IGSF5: variants seen among roughly 807,000 people sequenced by gnomAD.
IGSF5 encodes immunoglobulin superfamily 5 like.
IGSF5 carries 41 observed loss-of-function variants against 39.4 expected under a neutral mutation model. The ratio of observed to expected loss-of-function variants is 1.04; its 90% CI spans 0.81 to 1.35. IGSF5 has a LOEUF of 1.35. IGSF5 is among the 40% of genes most tolerant of loss of function. The pLI is 0.00. For synonymous variants in IGSF5, 183 were observed against 175.3 expected (o/e 1.04, Z -0.34); for missense variants, 487 against 494.6 (o/e 0.98, Z 0.15).
At chr21:39,730,550 A>T in the IGSF5 span, 1 of 152,124 alleles carries the variant, frequency 6.6e-6, no homozygotes, top group African/African-American at 2.4e-5. Flanking sequence ...AGATTCCACG[A>T]CTAAGGCCAA....
At chr21:39,740,264 G>C (rs2079942747), upstream of IGSF5, among the ~76,000 whole-genome samples, 1 of 152,160 alleles carries the variant, frequency 6.6e-6, no homozygotes, top group African/African-American at 2.4e-5. Context: ...TTCAATATCT[G>C]CTTGGCGGTT....
At chr21:39,725,926 G>A in the IGSF5 span, 1 of 152,178 alleles carries the variant, frequency 6.6e-6, no homozygotes, top group East Asian at 1.9e-4. Context: ...TGAAACTGGG[G>A]CAAGATGTTA....
At chr21:39,784,982 T>A (rs926110794) in intron 5 of IGSF5, among the ~76,000 whole-genome samples, 1 of 151,710 alleles carries the variant, frequency 6.6e-6, no homozygotes, top group Admixed American at 6.6e-5. Context: ...TTTTTTTTTT[T>A]TCCTTTAACT....
chr21:39,799,589 C>A (rs888985355), intron 8 of IGSF5, among the ~76,000 whole-genome samples: 1 of 151,850 alleles, frequency 6.6e-6, no homozygotes, highest in African/African-American at 2.4e-5. Context: ...TTCTAGAAGT[C>A]TTCCTACAAC....
intron 2 of IGSF5, among the ~76,000 whole-genome samples, chr21:39,754,566 ATCT>A (rs1437567170): frequency 6.6e-6 from 1 of 152,194 alleles, no homozygotes; most frequent in Non-Finnish European, 1.5e-5. Context: ...GTCCTGGCTG[ATCT>A]TCTGAGTGTG....
the IGSF5 span, chr21:39,726,024 G>A: frequency 6.6e-6 from 1 of 152,216 alleles, no homozygotes; most frequent in Non-Finnish European, 1.5e-5. Flanking sequence ...AGTGGTTGAT[G>A]TGTGAAGTCT....
intron 2 of IGSF5, among the ~76,000 whole-genome samples, chr21:39,756,769 G>T (rs2080032474): frequency 6.6e-6 from 1 of 152,070 alleles, no homozygotes; most frequent in African/African-American, 2.4e-5. Context: ...TCAGTACTGG[G>T]GAGTGTCTTG....
the IGSF5 span, among the ~76,000 whole-genome samples, chr21:39,732,130 T>C: frequency 6.6e-6 from 1 of 152,152 alleles, no homozygotes; most frequent in Non-Finnish European, 1.5e-5. Context: ...TGAGCCACCC[T>C]GAAAGTGAAT....
intron 8 of IGSF5, among the ~76,000 whole-genome samples, chr21:39,794,990 A>G (rs2086986982): frequency 6.6e-6 from 1 of 152,050 alleles, no homozygotes; most frequent in Non-Finnish European, 1.5e-5. Flanking sequence ...TCAGTCATGT[A>G]TTGGGAAAAC....
the IGSF5 span, among the ~76,000 whole-genome samples, chr21:39,713,547 G>A: frequency 6.6e-6 from 1 of 152,108 alleles, no homozygotes; most frequent in Admixed American, 6.5e-5. Context: ...AGGGCCTGCC[G>A]GGCTGTATGG....
intron 2 of IGSF5, among the ~76,000 whole-genome samples, chr21:39,752,408 T>C (rs2080009998): frequency 6.6e-6 from 1 of 152,218 alleles, no homozygotes; most frequent in Non-Finnish European, 1.5e-5. Flanking sequence ...CTTTATCTAC[T>C]CATTGGCTGC....
intron 2 of IGSF5, among the ~76,000 whole-genome samples, chr21:39,749,773 A>G (rs2079995616): frequency 6.6e-6 from 1 of 152,266 alleles, no homozygotes; most frequent in South Asian, 2.1e-4. Flanking sequence ...CACTGAATAC[A>G]CAATTTACAT....
chr21:39,726,703 C>G, the IGSF5 span, among the ~76,000 whole-genome samples: 1 of 152,182 alleles, frequency 6.6e-6, no homozygotes, highest in South Asian at 2.1e-4. Flanking sequence ...GTGATTTTCC[C>G]TTACTGGAAT....
chr21:39,748,301 C>CTTTTTTTTTTTTT lies in IGSF5; in HGVS notation c.100+2018_100+2030dup, dbSNP rs60669244. On this transcript the variant is annotated intron_variant, in intron 2 of 8. Coordinates refer to ENST00000380588, the MANE Select transcript of IGSF5 (RefSeq NM_001080444.2). The stretch of plus-strand genomic sequence containing the variant: ...TGTGCAAGTGAAGAGAAAACAAGAT[C>CTTTTTTTTTTTTT]TTTTTTTTTTTTTTTTTTTTTTTTT... Among the ~76,000 whole-genome samples, 549 of 58,242 alleles carry CTTTTTTTTTTTTT rather than the reference C, an allele frequency of 9.4e-3. 134 individuals carry two copies. Among genetic ancestry groups the CTTTTTTTTTTTTT allele is most frequent in the African/African-American group, 0.011 (166 of 15,490 alleles). 38.2% of individuals were successfully genotyped at this position (58,242 alleles called of 152,430 possible).
At chr21:39,719,911 T>C in the IGSF5 span, among the ~76,000 whole-genome samples, 2 of 152,228 alleles carry the variant, frequency 1.3e-5, no homozygotes, top group Non-Finnish European at 1.5e-5. Flanking sequence ...CACGAAGCAA[T>C]CCTTGGCAAT....
chr21:39,776,608 C>A (rs2080142386), intron 4 of IGSF5, among the ~76,000 whole-genome samples: 1 of 152,172 alleles, frequency 6.6e-6, no homozygotes, highest in Non-Finnish European at 1.5e-5. Context: ...CAAAGTGTCC[C>A]TTCCCTTCTG....
Position 39,801,274 on chromosome 21 carries a change from C to A in IGSF5, c.1141C>A (p.Arg381Ser), listed in dbSNP as rs750197200. The change falls in exon 9 of 9, where the codon CGT becomes AGT. Residue 381 changes from arginine to serine, a missense_variant. By Grantham distance (110) the Arg-to-Ser change is moderately radical. Coordinates refer to ENST00000380588, the MANE Select transcript of IGSF5 (RefSeq NM_001080444.2). ...CCTCTGTTGCCAGCGGGCTGATCAA[C>A]GTCCACCCAGGCCAGCAAGTCATCC... ...CGPPHQRADQ[R>S]PPRPASHPQA... The A allele has an allele frequency of 6.2e-7, 1 of 1,613,918 alleles. No homozygotes were observed. Among genetic ancestry groups the A allele is most frequent in the East Asian group, 2.2e-5 (1 of 44,878 alleles).
At chr21:39,778,434 C>T (rs549198661) in intron 4 of IGSF5, among the ~76,000 whole-genome samples, 143 of 152,288 alleles carry the variant, frequency 9.4e-4, no homozygotes, top group African/African-American at 3.4e-3. Flanking sequence ...TCTGCCTCAC[C>T]TTACCCTTTT....
At chr21:39,745,919 G>C (rs577242176) in intron 1 of IGSF5, among the ~76,000 whole-genome samples, 49 of 152,180 alleles carry the variant, frequency 3.2e-4, no homozygotes, top group Non-Finnish European at 5.3e-4. Flanking sequence ...GTTACGGGGG[G>C]TGGGGGGTCC....
Sources: allele counts gnomAD v4.1 joint callset (sites outside exome capture counted in the v4.1 genomes callset), GRCh38; gene constraint gnomAD v4.1.1; transcripts MANE v1.5; gene names NCBI Gene and HGNC (gene_info 2026-07-23, HGNC 2026-07-21).